Variants in EBPL observed in about 807,000 individuals in gnomAD.
The protein encoded by EBPL is emopamil-binding protein-like.
In EBPL, 20 loss-of-function variants were observed where a neutral mutation model predicts 19.0. The ratio of observed to expected loss-of-function variants is 1.05; its 90% CI spans 0.74 to 1.53. EBPL has a LOEUF of 1.53. Ranked by LOEUF, EBPL falls within the 40% of genes most tolerant of loss-of-function variation. The pLI is 0.00. For synonymous variants in EBPL, 107 were observed against 117.0 expected (o/e 0.91, Z 0.55); for missense variants, 219 against 261.1 (o/e 0.84, Z 1.11).
chr13:49,663,625 T>C (rs914778055), intron 2 of EBPL, among the ~76,000 whole-genome samples: 6 of 152,200 alleles, frequency 3.9e-5, no homozygotes, highest in Non-Finnish European at 2.9e-5. Context: ...AAATTTGTTA[T>C]GAAGGACATG....
chr13:49,665,951 T>A (rs1166416257), intron 2 of EBPL, among the ~76,000 whole-genome samples: 1 of 152,036 alleles, frequency 6.6e-6, no homozygotes, highest in Non-Finnish European at 1.5e-5. Flanking sequence ...TCCCTGTTGG[T>A]GAGGGATGGA....
rs1235752023 is a variant in EBPL at position 49,669,240 on chromosome 13, G to A, written c.241+537C>T. On this transcript the variant is annotated intron_variant, in intron 2 of 3. Coordinates refer to ENST00000242827, the MANE Select transcript of EBPL (RefSeq NM_032565.5). The stretch of plus-strand genomic sequence containing the variant: ...TTTAGAGATGGACTCTTGCTCTGTC[G>A]CCCGGGCTGGAGTGCAGTGGTGCAA... 4.0e-5 allele frequency among the ~76,000 whole-genome samples: 6 copies of A among 151,026 alleles called. No individual in the cohort carries two copies. In the East Asian group the frequency reaches 7.8e-4, roughly 20 times the overall value.
chr13:49,682,719 T>C (rs1195982585), intron 1 of EBPL, among the ~76,000 whole-genome samples: 1 of 152,230 alleles, frequency 6.6e-6, no homozygotes, highest in Non-Finnish European at 1.5e-5. Context: ...ATTTCCATAC[T>C]TCACAGGTAA....
rs1049168789 is a variant in EBPL at position 49,660,689 on chromosome 13, T to C, written c.*279A>G. Reference sequence around the variant, plus strand: ...CACTGCAGTATTCTAAGATAATTGGTTTTACTAATGTGGAACAATTAATGC... The same window carrying C: ...CACTGCAGTATTCTAAGATAATTGGCTTTACTAATGTGGAACAATTAATGC... On this transcript the variant is annotated 3_prime_UTR_variant, in exon 4 of 4. Coordinates refer to ENST00000242827, the MANE Select transcript of EBPL (RefSeq NM_032565.5). 1.6e-5 allele frequency: 5 copies of C among 303,936 alleles called. No homozygotes were observed. Among genetic ancestry groups the C allele is most frequent in the Non-Finnish European group, 2.4e-5 (4 of 166,298 alleles). 18.8% of individuals were successfully genotyped at this position (303,936 alleles called of 1,614,324 possible).
chr13:49,670,747 C>T (rs1953804049), intron 1 of EBPL, among the ~76,000 whole-genome samples: 2 of 152,172 alleles, frequency 1.3e-5, no homozygotes, highest in Non-Finnish European at 2.9e-5. Flanking sequence ...TATTCTATTA[C>T]TTACACAAAT....
At chr13:49,668,731 T>C (rs760340784) in intron 2 of EBPL, among the ~76,000 whole-genome samples, 1 of 152,156 alleles carries the variant, frequency 6.6e-6, no homozygotes, top group Non-Finnish European at 1.5e-5. Flanking sequence ...GCTAATTGAA[T>C]ATTGACTGAC....
chr13:49,666,536 C>A (rs1469395966), intron 2 of EBPL, among the ~76,000 whole-genome samples: 3 of 151,798 alleles, frequency 2.0e-5, no homozygotes, highest in African/African-American at 7.3e-5. Flanking sequence ...CATGGTGAAA[C>A]CCTGTCTCTA....
intron 1 of EBPL, among the ~76,000 whole-genome samples, chr13:49,683,455 C>T (rs1194622962): frequency 7.3e-5 from 11 of 151,592 alleles, no homozygotes; most frequent in Non-Finnish European, 1.0e-4. Context: ...GGTGTGAACC[C>T]GGGAGGCGGA....
At chr13:49,678,269 C>T (rs1953899485) in intron 1 of EBPL, among the ~76,000 whole-genome samples, 2 of 152,246 alleles carry the variant, frequency 1.3e-5, no homozygotes, top group Admixed American at 1.3e-4. Context: ...CAGCTGGCTT[C>T]CCCTAGTGGA....
At chr13:49,664,892 G>C (rs1239699628) in intron 2 of EBPL, among the ~76,000 whole-genome samples, 1 of 151,992 alleles carries the variant, frequency 6.6e-6, no homozygotes, top group Non-Finnish European at 1.5e-5. Context: ...TTCTGTGAGA[G>C]GCCACCGAGA....
intron 2 of EBPL, among the ~76,000 whole-genome samples, chr13:49,669,035 A>G (rs577103391): frequency 6.6e-6 from 1 of 151,818 alleles, no homozygotes; most frequent in Admixed American, 6.6e-5. Flanking sequence ...GCCCGCCACC[A>G]CGCCCAGCCA....
Position 49,671,862 on chromosome 13 carries a change from A to T in EBPL, c.172-2016T>A, listed in dbSNP as rs73499247. 3.5e-3 allele frequency among the ~76,000 whole-genome samples: 528 copies of T among 152,380 alleles called. 1 individual carries two copies. The highest frequency in any genetic ancestry group is 0.012 in the African/African-American group (513 of 41,586). The stretch of plus-strand genomic sequence containing the variant: ...CTTTCCACAGAAGCAACTCTGGGTA[A>T]GAGCAAGATGGGGAACTGGAAATCA... On this transcript the variant is annotated intron_variant, in intron 1 of 3. Transcript: ENST00000242827.
rs766948375 is a variant in EBPL at position 49,691,346 on chromosome 13, CGCAGCCCGCCGCCA to C, written c.65_78del (p.Leu22ArgfsTer62). The C allele has an allele frequency of 2.2e-6, 3 of 1,356,098 alleles. No individual in the cohort carries two copies. The highest frequency in any genetic ancestry group is 3.0e-5 in the East Asian group (1 of 32,842). 84.0% of individuals were successfully genotyped at this position (1,356,098 alleles called of 1,614,324 possible). ...CCGCGGCCCAGGCGCAGGCCCAGGGCGCAGCCCGCCGCCAGCAGCGCGGCGCACAGCAGCAGCGA... is the reference window on the plus strand; with the variant it reads ...CCGCGGCCCAGGCGCAGGCCCAGGGCGCAGCGCGGCGCACAGCAGCAGCGA... On this transcript the variant is annotated frameshift_variant, in exon 1 of 4. Coordinates refer to ENST00000242827, the MANE Select transcript of EBPL (RefSeq NM_032565.5). LOFTEE classifies it high-confidence loss of function.
intron 1 of EBPL, among the ~76,000 whole-genome samples, chr13:49,681,295 A>AT (rs1196716560): frequency 7.1e-6 from 1 of 140,798 alleles, no homozygotes; most frequent in Non-Finnish European, 1.6e-5. Context: ...CAGGCATGAA[A>AT]TTTTTTTCTT....
At chr13:49,664,134 C>T (rs1965191687) in intron 2 of EBPL, among the ~76,000 whole-genome samples, 1 of 151,584 alleles carries the variant, frequency 6.6e-6, no homozygotes, top group Admixed American at 6.6e-5. Flanking sequence ...TGCCTGTAAT[C>T]TCAGCTACTT....
chr13:49,689,950 G>C (rs987341318), intron 1 of EBPL, among the ~76,000 whole-genome samples: 6 of 152,070 alleles, frequency 3.9e-5, no homozygotes, highest in Admixed American at 1.3e-4. Flanking sequence ...AGGGGTTTGA[G>C]ACCAGTCTGG....
chr13:49,684,894 C>G (rs1288483913), intron 1 of EBPL, among the ~76,000 whole-genome samples: 1 of 152,070 alleles, frequency 6.6e-6, no homozygotes, highest in African/African-American at 2.4e-5. Flanking sequence ...AGTATTAGAA[C>G]TTGGCAAAGT....
intron 1 of EBPL, among the ~76,000 whole-genome samples, chr13:49,684,387 G>A (rs1028801889): frequency 2.8e-4 from 43 of 152,182 alleles, no homozygotes; most frequent in African/African-American, 8.0e-4. Flanking sequence ...ACAAAGGAGA[G>A]AGGCCAGGCG....
At chr13:49,662,187 G>T (rs556462557) in intron 3 of EBPL, among the ~76,000 whole-genome samples, 3 of 152,168 alleles carry the variant, frequency 2.0e-5, no homozygotes, top group African/African-American at 4.8e-5. Context: ...GAGTAGAGAC[G>T]GGGTTTCACC....
Sources: allele counts gnomAD v4.1 joint callset (sites outside exome capture counted in the v4.1 genomes callset), GRCh38; gene constraint gnomAD v4.1.1; transcripts MANE v1.5; gene names NCBI Gene and HGNC (gene_info 2026-07-23, HGNC 2026-07-21).